The following SGK3 variants were observed in gnomAD, a reference collection of about 807,000 sequenced individuals.
SGK3 encodes serine/threonine-protein kinase Sgk3.
In SGK3, 47 loss-of-function variants were observed where a neutral mutation model predicts 68.5. That is an observed-to-expected ratio of 0.69 (90% CI 0.54 to 0.87). SGK3 has a LOEUF of 0.87. Among genes scored for constraint, SGK3 ranks in the 40% least tolerant of loss-of-function variants. SGK3 has a pLI of 0.00. For synonymous variants in SGK3, 181 were observed against 189.1 expected, an observed-to-expected ratio of 0.96 and a Z score of 0.35; for missense variants, 479 against 575.5, an observed-to-expected ratio of 0.83 and a Z score of 1.72.
chr8:66,822,949 T>C (rs1457202919), intron 6 of SGK3, among the ~76,000 whole-genome samples: 3 of 152,048 alleles, frequency 2.0e-5, no homozygotes, highest in Non-Finnish European at 4.4e-5. Flanking sequence ...ATAAAACCTA[T>C]AGAATGAGTA....
chr8:66,830,223 C>T (rs1809250215), intron 7 of SGK3, among the ~76,000 whole-genome samples: 1 of 152,182 alleles, frequency 6.6e-6, no homozygotes, highest in African/African-American at 2.4e-5. Context: ...GGAGTATGGC[C>T]TCAGCTCGCC....
chr8:66,777,625 C>A (rs555636423), intron 1 of SGK3, among the ~76,000 whole-genome samples: 1 of 152,188 alleles, frequency 6.6e-6, no homozygotes, highest in East Asian at 1.9e-4. Context: ...CCTGTTGTTG[C>A]CAAGCCCATT....
At chr8:66,720,917 G>C (rs547250463) in intron 1 of SGK3, among the ~76,000 whole-genome samples, 1 of 152,236 alleles carries the variant, frequency 6.6e-6, no homozygotes, top group South Asian at 2.1e-4. Flanking sequence ...CTGCACTCCA[G>C]CTTGGGTGAC....
chr8:66,833,641 T>A (rs1269397701), intron 8 of SGK3, among the ~76,000 whole-genome samples: 6 of 152,244 alleles, frequency 3.9e-5, no homozygotes, highest in Non-Finnish European at 1.5e-5. Context: ...GTATATTACT[T>A]TGTTAATGTA....
intron 1 of SGK3, among the ~76,000 whole-genome samples, chr8:66,783,846 A>C (rs977496937): frequency 1.3e-5 from 2 of 152,090 alleles, no homozygotes; most frequent in Non-Finnish European, 2.9e-5. Flanking sequence ...TTTCTGGTAC[A>C]TTATATTCTA....
chr8:66,784,754 C>G (rs1478367004), intron 1 of SGK3, among the ~76,000 whole-genome samples: 2 of 152,070 alleles, frequency 1.3e-5, no homozygotes, highest in Non-Finnish European at 2.9e-5. Context: ...GGATCAGTAA[C>G]ATTTTAACAT....
intron 1 of SGK3, among the ~76,000 whole-genome samples, chr8:66,783,495 T>TTG (rs538282009): frequency 0.01 from 1,543 of 152,050 alleles, 29 homozygotes; most frequent in African/African-American, 0.035. Flanking sequence ...CATCTAATTT[T>TTG]TGTGTGTGTG....
chr8:66,831,182 G>A, intron 7 of SGK3, 72 bp from the exon 8 acceptor site: 2 of 1,549,774 alleles, frequency 1.3e-6, no homozygotes, highest in South Asian at 2.3e-5. Flanking sequence ...AAAGAGGGAG[G>A]TGCTAAGAAA....
intron 1 of SGK3, among the ~76,000 whole-genome samples, chr8:66,730,001 C>CT (rs1354729477): frequency 1.3e-5 from 2 of 152,238 alleles, no homozygotes; most frequent in East Asian, 3.9e-4. Flanking sequence ...CTTGACCTCT[C>CT]TAAGTGTTAG....
chr8:66,757,129 ATTTTTTT>A (rs796848968), intron 1 of SGK3, among the ~76,000 whole-genome samples: 1 of 107,058 alleles, frequency 9.3e-6, no homozygotes, highest in Non-Finnish European at 2.0e-5. Flanking sequence ...CTCAGGCCCT[ATTTTTTT>A]TTTTTTTTTT....
chr8:66,733,906 C>T (rs1424214727), intron 1 of SGK3, among the ~76,000 whole-genome samples: 1 of 152,142 alleles, frequency 6.6e-6, no homozygotes. Context: ...CTTGGCATTG[C>T]TATGAATCCA....
At chr8:66,858,293 C>A (rs183847781) in intron 16 of SGK3, among the ~76,000 whole-genome samples, 2 of 151,700 alleles carry the variant, frequency 1.3e-5, no homozygotes, top group African/African-American at 4.8e-5. Flanking sequence ...GGTGAAACCC[C>A]GTCTCTACTA....
chr8:66,775,265 G>A lies in SGK3; in HGVS notation c.-121-18351G>A, dbSNP rs142632105. ...GCGGCGCAGGTCCCGGCCGAGTGTG[G>A]CGCAGCAGTGGCGGCGCTTCCCATT... On this transcript the variant is annotated intron_variant, in intron 1 of 16. Coordinates refer to ENST00000521198, the MANE Select transcript of SGK3 (RefSeq NM_001033578.3). The A allele has an allele frequency of 8.6e-3, 1,314 of 152,522 alleles. 8 individuals are homozygous for A. The highest frequency in any genetic ancestry group is 0.015 in the Non-Finnish European group (1,011 of 68,198). The allele number at this position is 152,522 out of a possible 1,614,324, so 9.4% of individuals were successfully genotyped here.
intron 1 of SGK3, among the ~76,000 whole-genome samples, chr8:66,731,829 C>T (rs541836023): frequency 4.6e-5 from 7 of 152,310 alleles, no homozygotes; most frequent in Non-Finnish European, 1.0e-4. Context: ...CCACCGCACC[C>T]GGCCGGGTAT....
chr8:66,755,718 C>G (rs553722264), intron 1 of SGK3, among the ~76,000 whole-genome samples: 3 of 152,184 alleles, frequency 2.0e-5, no homozygotes, highest in Non-Finnish European at 4.4e-5. Context: ...ACATGACAGA[C>G]GCAGTCCCTG....
rs746258893 is a variant in SGK3 at position 66,767,773 on chromosome 8, T to C, written c.-121-25843T>C. ...TGGCTGTTTTTGTTTGAGGGGTCCA[T>C]TGGTCTTTACTGACTTTTCTGTAGC... is the stretch of plus-strand genomic sequence containing the variant. On this transcript the variant is annotated intron_variant, in intron 1 of 16. Coordinates refer to ENST00000521198, the MANE Select transcript of SGK3 (RefSeq NM_001033578.3). The C allele has an allele frequency of 2.5e-6, 4 of 1,578,234 alleles. No homozygotes were observed. The South Asian group carries it at 4.4e-5, about 17-fold the overall frequency.
At chr8:66,818,125 G>T (rs1453816152) in intron 5 of SGK3, among the ~76,000 whole-genome samples, 1 of 151,856 alleles carries the variant, frequency 6.6e-6, no homozygotes, top group African/African-American at 2.4e-5. Flanking sequence ...CTCTAAAACA[G>T]CAAAAGCAAA....
intron 1 of SGK3, among the ~76,000 whole-genome samples, chr8:66,713,189 G>A (rs2130305860): frequency 6.6e-6 from 1 of 152,338 alleles, no homozygotes. Context: ...GGGGGCAGCC[G>A]CCAGAGTGGG....
At chr8:66,720,103 G>A (rs998125373) in intron 1 of SGK3, among the ~76,000 whole-genome samples, 2 of 152,154 alleles carry the variant, frequency 1.3e-5, no homozygotes, top group East Asian at 1.9e-4. Flanking sequence ...TTATACTACC[G>A]CTCATAAAGG....
Sources: gnomAD v4.1 joint callset for allele counts (sites outside exome capture counted in the v4.1 genomes callset) on GRCh38, gnomAD v4.1.1 for gene constraint, MANE v1.5 for transcripts, NCBI Gene and HGNC (gene_info 2026-07-23, HGNC 2026-07-21) for gene names.